Variants in MCU observed in about 807,000 individuals in gnomAD.
MCU encodes calcium uniporter protein, mitochondrial.
Under a neutral mutation model 45.2 loss-of-function variants are expected in MCU, and 12 were observed. The observed-to-expected ratio is 0.27, with a 90% CI of 0.17 to 0.43. The LOEUF is 0.43. Ranked by LOEUF, MCU falls within the 20% of genes least tolerant of loss-of-function variation. MCU has a pLI of 1.00. For missense variants in MCU, 324 were observed against 436.7 expected (o/e 0.74, Z 2.30); for synonymous variants, 160 against 165.1 (o/e 0.97, Z 0.24).
At chr10:72,775,833 AC>A (rs1194866078) in intron 1 of MCU, among the ~76,000 whole-genome samples, 1 of 152,060 alleles carries the variant, frequency 6.6e-6, no homozygotes, top group Non-Finnish European at 1.5e-5. Flanking sequence ...GAAATGTAAA[AC>A]CTCAGCAAAC....
chr10:72,704,232 G>A (rs1842792051), intron 1 of MCU, among the ~76,000 whole-genome samples: 1 of 152,132 alleles, frequency 6.6e-6, no homozygotes, highest in East Asian at 1.9e-4. Flanking sequence ...GGACAGTAGC[G>A]TTGTAGATAG....
At chr10:72,793,628 G>A (rs1844200875) in intron 1 of MCU, among the ~76,000 whole-genome samples, 1 of 152,004 alleles carries the variant, frequency 6.6e-6, no homozygotes, top group African/African-American at 2.4e-5. Flanking sequence ...ACAATCAGAT[G>A]ATGGCTGGTA....
At chr10:72,772,661 C>T (rs1015406655) in intron 1 of MCU, among the ~76,000 whole-genome samples, 4 of 152,196 alleles carry the variant, frequency 2.6e-5, no homozygotes, top group African/African-American at 9.6e-5. Context: ...CGTGCCACTG[C>T]ACTCCAGCCT....
At chr10:72,777,360 A>G (rs963663980) in intron 1 of MCU, among the ~76,000 whole-genome samples, 6 of 152,204 alleles carry the variant, frequency 3.9e-5, no homozygotes, top group South Asian at 2.1e-4. Flanking sequence ...ACATAGACCA[A>G]TGGAACAGAG....
At chr10:72,841,819 A>G (rs1199307178) in intron 2 of MCU, among the ~76,000 whole-genome samples, 1 of 152,252 alleles carries the variant, frequency 6.6e-6, no homozygotes, top group Non-Finnish European at 1.5e-5. Flanking sequence ...TCATGAGAAC[A>G]GGTTTTTATC....
intron 1 of MCU, among the ~76,000 whole-genome samples, chr10:72,808,431 G>A (rs957132319): frequency 6.6e-6 from 1 of 152,164 alleles, no homozygotes; most frequent in Non-Finnish European, 1.5e-5. Flanking sequence ...CCATAAAATT[G>A]TATTAAGTTT....
intron 5 of MCU, 78 bp downstream of exon 5, chr10:72,868,941 A>C: frequency 7.0e-7 from 1 of 1,434,654 alleles, no homozygotes; most frequent in South Asian, 1.3e-5. Context: ...TTTTCTTGTA[A>C]GTTTTATGCA....
chr10:72,791,491 T>C (rs1411514144), intron 1 of MCU, among the ~76,000 whole-genome samples: 1 of 152,256 alleles, frequency 6.6e-6, no homozygotes, highest in Non-Finnish European at 1.5e-5. Context: ...AGATAATGTT[T>C]CTCTTTAGAT....
At chr10:72,859,140 TC>T (rs756345823) in intron 2 of MCU, 36 bp from the exon 3 acceptor site, 1 of 1,520,618 alleles carries the variant, frequency 6.6e-7, no homozygotes, top group South Asian at 1.3e-5. Flanking sequence ...TACATTGAAA[TC>T]CAATTATCAT....
intron 6 of MCU, among the ~76,000 whole-genome samples, chr10:72,879,800 C>A (rs1302414647): frequency 1.3e-5 from 2 of 152,102 alleles, no homozygotes; most frequent in Non-Finnish European, 2.9e-5. Flanking sequence ...AATCCCAGCA[C>A]TTTGGGAGGC....
chr10:72,701,820 C>A, intron 1 of MCU, among the ~76,000 whole-genome samples: 1 of 152,056 alleles, frequency 6.6e-6, no homozygotes. Flanking sequence ...CGTGATCCAC[C>A]GTGCCCGGCC....
intron 1 of MCU, among the ~76,000 whole-genome samples, chr10:72,814,571 A>G (rs941180637): frequency 1.3e-5 from 2 of 152,190 alleles, no homozygotes; most frequent in African/African-American, 4.8e-5. Flanking sequence ...AAGACAGGAA[A>G]ATAGAAAAGA....
chr10:72,761,061 G>T (rs1843650031), intron 1 of MCU, among the ~76,000 whole-genome samples: 1 of 151,980 alleles, frequency 6.6e-6, no homozygotes, highest in South Asian at 2.1e-4. Flanking sequence ...TTATAAGTTG[G>T]AAAAAAATTG....
chr10:72,791,322 G>C (rs1431346913), intron 1 of MCU, among the ~76,000 whole-genome samples: 2 of 152,198 alleles, frequency 1.3e-5, no homozygotes, highest in African/African-American at 4.8e-5. Context: ...AGAATGGACT[G>C]AATTTTAATG....
At chr10:72,742,810 A>G (rs1394659925) in intron 1 of MCU, among the ~76,000 whole-genome samples, 3 of 152,152 alleles carry the variant, frequency 2.0e-5, no homozygotes, top group African/African-American at 7.2e-5. Context: ...CCAAGTTAGG[A>G]AAAGTCTTTC....
intron 6 of MCU, among the ~76,000 whole-genome samples, chr10:72,872,305 T>C (rs1845553852): frequency 6.6e-6 from 1 of 152,154 alleles, no homozygotes; most frequent in Non-Finnish European, 1.5e-5. Context: ...TGTTTTGAAA[T>C]ATCCAATAAA....
chr10:72,741,517 GTCT>G (rs1210311346), intron 1 of MCU, among the ~76,000 whole-genome samples: 1 of 152,220 alleles, frequency 6.6e-6, no homozygotes, highest in Non-Finnish European at 1.5e-5. Context: ...TAGAGAGACA[GTCT>G]TCTTTTGACA....
At chr10:72,734,256 A>G (rs376210279) in intron 1 of MCU, among the ~76,000 whole-genome samples, 31 of 152,298 alleles carry the variant, frequency 2.0e-4, no homozygotes, top group Admixed American at 5.2e-4. Context: ...TAAAAAAGAA[A>G]GAAAGAAATT....
At chr10:72,861,825 T>A (rs1845381809) in intron 4 of MCU, 1 of 294,844 alleles carries the variant, frequency 3.4e-6, no homozygotes, top group Non-Finnish European at 6.7e-6. Flanking sequence ...TGTACTATTT[T>A]AAAAAACCAG....
Sources: gnomAD v4.1 joint callset for allele counts (sites outside exome capture counted in the v4.1 genomes callset) on GRCh38, gnomAD v4.1.1 for gene constraint, MANE v1.5 for transcripts, NCBI Gene and HGNC (gene_info 2026-07-23, HGNC 2026-07-21) for gene names.